The following PPP3CA variants were observed in gnomAD, a reference collection of about 807,000 sequenced individuals.
The protein encoded by PPP3CA is CAM-PRP catalytic subunit.
A neutral mutation model predicts 66.5 loss-of-function variants in PPP3CA; 14 were observed. The ratio of observed to expected loss-of-function variants is 0.21; its 90% confidence interval spans 0.14 to 0.33. The LOEUF is 0.33. PPP3CA is among the 10% of genes least tolerant of loss of function. The probability of loss-of-function intolerance (pLI) is 1.00; values close to 1 mark genes in which losing one functional copy is unlikely to be tolerated. For missense variants in PPP3CA, 317 were observed against 639.5 expected, an observed-to-expected ratio of 0.50 and a Z score of 5.44; for synonymous variants, 232 against 226.2, an observed-to-expected ratio of 1.03 and a Z score of -0.23.
chr4:101,124,788 A>AAAGG, intron 2 of PPP3CA, among the ~76,000 whole-genome samples: 1 of 130,612 alleles, frequency 7.7e-6, no homozygotes, highest in South Asian at 2.6e-4. Flanking sequence ...AGAAAGAAAG[A>AAAGG]AAGAAAGAAA....
At chr4:101,074,980 A>G (rs1451645953) in intron 8 of PPP3CA, among the ~76,000 whole-genome samples, 1 of 152,226 alleles carries the variant, frequency 6.6e-6, no homozygotes, top group African/African-American at 2.4e-5. Flanking sequence ...GGTGGAAGTC[A>G]AAGGAGAAGC....
chr4:101,181,456 T>C (rs1724232167), intron 2 of PPP3CA, among the ~76,000 whole-genome samples: 1 of 151,976 alleles, frequency 6.6e-6, no homozygotes, highest in African/African-American at 2.4e-5. Context: ...TTTACATAAC[T>C]TAGAATATAA....
chr4:101,212,474 G>C (rs1014991088), intron 1 of PPP3CA, among the ~76,000 whole-genome samples: 1 of 152,096 alleles, frequency 6.6e-6, no homozygotes, highest in African/African-American at 2.4e-5. Context: ...GAGGGTGTTA[G>C]GGGAGGGAGA....
intron 2 of PPP3CA, among the ~76,000 whole-genome samples, chr4:101,165,042 A>G (rs994837031): frequency 2.0e-5 from 3 of 152,144 alleles, no homozygotes; most frequent in South Asian, 2.1e-4. Flanking sequence ...TAGTCTATCC[A>G]GTACAGGAAT....
intron 6 of PPP3CA, among the ~76,000 whole-genome samples, chr4:101,083,844 C>CATTCA (rs1201908865): frequency 6.6e-6 from 1 of 152,154 alleles, no homozygotes; most frequent in Non-Finnish European, 1.5e-5. Context: ...ATGATTATAT[C>CATTCA]ATTCAAAACC....
At chr4:101,043,569 A>C (rs1727626440) in intron 10 of PPP3CA, among the ~76,000 whole-genome samples, 1 of 151,996 alleles carries the variant, frequency 6.6e-6, no homozygotes, top group Admixed American at 6.6e-5. Context: ...AAAAAAAAAA[A>C]AAACTCTCCT....
intron 10 of PPP3CA, among the ~76,000 whole-genome samples, chr4:101,049,251 T>C (rs1727905846): frequency 1.3e-5 from 2 of 152,104 alleles, no homozygotes; most frequent in African/African-American, 4.8e-5. Context: ...GAATTCTAAC[T>C]GGGTGAAAAT....
intron 2 of PPP3CA, among the ~76,000 whole-genome samples, chr4:101,153,512 T>C (rs2110300457): frequency 6.6e-6 from 1 of 152,336 alleles, no homozygotes; most frequent in East Asian, 1.9e-4. Flanking sequence ...TATAAAATTA[T>C]TGTCATCACC....
chr4:101,299,716 G>C (rs1175527052), intron 1 of PPP3CA, among the ~76,000 whole-genome samples: 1 of 152,014 alleles, frequency 6.6e-6, no homozygotes, highest in African/African-American at 2.4e-5. Context: ...TACCCCCATT[G>C]TACCAAATAT....
chr4:101,173,984 C>T (rs10024318), intron 2 of PPP3CA, among the ~76,000 whole-genome samples: 4,170 of 151,940 alleles, frequency 0.027, 202 homozygotes, highest in African/African-American at 0.095. Flanking sequence ...CCCAGGCATT[C>T]GAGGCTGCTG....
At chr4:101,198,056 T>C (rs902440076) in intron 1 of PPP3CA, among the ~76,000 whole-genome samples, 4 of 152,100 alleles carry the variant, frequency 2.6e-5, no homozygotes, top group Non-Finnish European at 4.4e-5. Flanking sequence ...TATAGTACAA[T>C]AGATACATAA....
At chr4:101,236,715 C>T (rs1345622423) in intron 1 of PPP3CA, among the ~76,000 whole-genome samples, 1 of 151,872 alleles carries the variant, frequency 6.6e-6, no homozygotes, top group Non-Finnish European at 1.5e-5. Flanking sequence ...GATTTTTCCA[C>T]TACCTACTCA....
At chr4:101,058,226 G>T (rs976661145) in intron 10 of PPP3CA, among the ~76,000 whole-genome samples, 1 of 152,074 alleles carries the variant, frequency 6.6e-6, no homozygotes, top group African/African-American at 2.4e-5. Flanking sequence ...AATATGCATT[G>T]AATACTTTAA....
intron 1 of PPP3CA, among the ~76,000 whole-genome samples, chr4:101,298,493 T>C (rs539954329): frequency 3.3e-5 from 5 of 152,152 alleles, no homozygotes; most frequent in Non-Finnish European, 7.4e-5. Context: ...TCTGCCACCC[T>C]TGAGACAGCA....
chr4:101,049,694 T>C (rs1727925934), intron 10 of PPP3CA, among the ~76,000 whole-genome samples: 1 of 152,064 alleles, frequency 6.6e-6, no homozygotes, highest in African/African-American at 2.4e-5. Flanking sequence ...TTTATACATT[T>C]ATCAAATACT....
chr4:101,239,742 A>G (rs1246530831), intron 1 of PPP3CA, among the ~76,000 whole-genome samples: 1 of 152,046 alleles, frequency 6.6e-6, no homozygotes, highest in Non-Finnish European at 1.5e-5. Context: ...TGTATACAAA[A>G]TTGATATTCA....
intron 2 of PPP3CA, among the ~76,000 whole-genome samples, chr4:101,130,134 C>T (rs568411944): frequency 2.0e-5 from 3 of 151,338 alleles, no homozygotes; most frequent in South Asian, 4.2e-4. Context: ...ATTGACCAAG[C>T]GGAAGAAAGG....
chr4:101,141,195 C>T (rs1047854057), intron 2 of PPP3CA, among the ~76,000 whole-genome samples: 3 of 152,062 alleles, frequency 2.0e-5, no homozygotes, highest in African/African-American at 7.2e-5. Flanking sequence ...AATGGTGAAA[C>T]CCCGCCTCTA....
intron 13 of PPP3CA, among the ~76,000 whole-genome samples, 167 bp downstream of exon 13, chr4:101,028,999 T>C (rs959011980): frequency 4.6e-5 from 7 of 151,904 alleles, no homozygotes; most frequent in African/African-American, 1.7e-4. Flanking sequence ...AAACAAACCA[T>C]AGAAGGACAT....
Sources: allele counts gnomAD v4.1 joint callset (sites outside exome capture counted in the v4.1 genomes callset), GRCh38; gene constraint gnomAD v4.1.1; transcripts MANE v1.5; gene names NCBI Gene and HGNC (gene_info 2026-07-23, HGNC 2026-07-21).